ARSG: variants seen among roughly 807,000 people sequenced by gnomAD.
ARSG encodes the protein arylsulfatase G, also known as ASG.
ARSG carries 37 observed loss-of-function variants against 50.5 expected under a neutral mutation model. The ratio of observed to expected loss-of-function variants is 0.73; its 90% CI spans 0.56 to 0.96. The LOEUF is 0.96. ARSG is among the 50% of genes least tolerant of loss of function. ARSG has a pLI of 0.00. For synonymous variants in ARSG, 225 were observed against 254.6 expected, an observed-to-expected ratio of 0.88 and a Z score of 1.11; for missense variants, 629 against 675.3, an observed-to-expected ratio of 0.93 and a Z score of 0.76.
chr17:68,447,205 A>G, the ARSG span, among the ~76,000 whole-genome samples: 3 of 152,224 alleles, frequency 2.0e-5, no homozygotes, highest in Non-Finnish European at 4.4e-5. Flanking sequence ...CCATCTGGAT[A>G]GCAAGGGCCC....
At chr17:68,376,999 A>G (rs186162350) in intron 8 of ARSG, among the ~76,000 whole-genome samples, 3 of 152,154 alleles carry the variant, frequency 2.0e-5, no homozygotes, top group Admixed American at 2.0e-4. Flanking sequence ...AGCTGGGATT[A>G]CAGACGTGCA....
At chr17:68,288,406 T>A (rs2075893236), upstream of ARSG, among the ~76,000 whole-genome samples, 1 of 152,196 alleles carries the variant, frequency 6.6e-6, no homozygotes, top group Non-Finnish European at 1.5e-5. Flanking sequence ...CAGAAGCCTC[T>A]GTAAGTTCCA....
chr17:68,376,130 G>T (rs1159375559), intron 8 of ARSG, among the ~76,000 whole-genome samples: 1 of 151,858 alleles, frequency 6.6e-6, no homozygotes, highest in Non-Finnish European at 1.5e-5. Context: ...ATATTTTAGA[G>T]ATACAGTCTT....
In ARSG at chr17:68,356,941, C is replaced by T; in HGVS notation, c.704+137C>T. The T allele has an allele frequency of 1.6e-5, 17 of 1,054,908 alleles. No homozygotes were observed. The South Asian group carries it at 2.7e-4, about 17-fold the overall frequency. The allele number at this position is 1,054,908 out of a possible 1,614,324, so 65.3% of individuals were successfully genotyped here. Reference sequence around the variant, plus strand: ...TCAGCAGAGATGGATGCATACATGTCTCCTATAAGTAAAGCTGGAAAACAG... The same window carrying T: ...TCAGCAGAGATGGATGCATACATGTTTCCTATAAGTAAAGCTGGAAAACAG... On this transcript the variant is annotated intron_variant, in intron 6 of 11. Coordinates refer to ENST00000621439, the MANE Select transcript of ARSG (RefSeq NM_001267727.2).
the ARSG span, chr17:68,428,707 A>C: frequency 1.3e-6 from 1 of 744,354 alleles, no homozygotes; most frequent in Non-Finnish European, 2.2e-6. Context: ...GAGGTTTGCC[A>C]CTGAGACTGC....
chr17:68,371,326 A>AG (rs1274933170), intron 8 of ARSG, among the ~76,000 whole-genome samples: 1 of 151,686 alleles, frequency 6.6e-6, no homozygotes, highest in Non-Finnish European at 1.5e-5. Context: ...CAAAAAAAAA[A>AG]AAAAAAAAAA....
At chr17:68,269,790 C>T (rs1555747854) in intron 1 of ARSG, among the ~76,000 whole-genome samples, 1 of 148,478 alleles carries the variant, frequency 6.7e-6, no homozygotes, top group African/African-American at 2.5e-5. Flanking sequence ...TCTCCTGCCT[C>T]AGCCTCCCGA....
chr17:68,271,504 C>T lies in ARSG; in HGVS notation c.-552+12078C>T, dbSNP rs377560800. 6.3e-5 allele frequency: 102 copies of T among 1,613,980 alleles called. No homozygotes were observed. Among genetic ancestry groups the T allele is most frequent in the Middle Eastern group, 1.6e-4 (1 of 6,076 alleles). On this transcript the variant is annotated intron_variant, in intron 1 of 11. Coordinates refer to the ARSG transcript ENST00000448504. The surrounding 1 kb of genome is among the most constrained non-coding windows in gnomAD (Gnocchi z 5.3). ...TTCAAGCATATACTGCGCTTCTTTC[C>T]GATTTTCCTGGATGACTATTTTCGG... is the stretch of plus-strand genomic sequence containing the variant.
downstream of ARSG, chr17:68,422,384 G>A (rs528864761): frequency 6.9e-5 from 10 of 144,218 alleles, no homozygotes; most frequent in South Asian, 8.6e-4. Context: ...AGCCGAGATC[G>A]CACCACTGCA....
intron 9 of ARSG, among the ~76,000 whole-genome samples, chr17:68,390,711 C>T (rs1447623597): frequency 1.3e-5 from 2 of 152,100 alleles, no homozygotes; most frequent in African/African-American, 4.8e-5. Flanking sequence ...GCAACCTCCA[C>T]CTCCTGGGTT....
chr17:68,287,013 C>T (rs1391818714), upstream of ARSG, among the ~76,000 whole-genome samples: 4 of 151,944 alleles, frequency 2.6e-5, no homozygotes, highest in South Asian at 2.1e-4. Context: ...GATGGAGTTT[C>T]GCTCTTGTTG....
chr17:68,443,729 C>T, the ARSG span, among the ~76,000 whole-genome samples: 4 of 152,148 alleles, frequency 2.6e-5, no homozygotes, highest in South Asian at 8.3e-4. Flanking sequence ...TTCAATGATA[C>T]TAAACTGAAA....
chr17:68,401,554 G>C, intron 11 of ARSG, 104 bp downstream of exon 11: 2 of 1,030,560 alleles, frequency 1.9e-6, no homozygotes, highest in Non-Finnish European at 2.8e-6. Context: ...TCCCTCCTTT[G>C]TGGGGGGTTC....
At chr17:68,263,114 GTCTAATTTTCCA>G (rs1448211392) in intron 1 of ARSG, among the ~76,000 whole-genome samples, 2 of 152,184 alleles carry the variant, frequency 1.3e-5, no homozygotes, top group Non-Finnish European at 2.9e-5. Context: ...CAGGTTTCCC[GTCTAATTTTCCA>G]TGTAGGAAAT....
upstream of ARSG, among the ~76,000 whole-genome samples, chr17:68,289,545 T>C (rs2075919729): frequency 6.6e-6 from 1 of 152,224 alleles, no homozygotes; most frequent in Non-Finnish European, 1.5e-5. Context: ...TCTCTTCTTC[T>C]TAAAGGCGTA....
intron 6 of ARSG, among the ~76,000 whole-genome samples, chr17:68,366,241 AAAAT>A (rs911125080): frequency 9.8e-5 from 11 of 112,434 alleles, no homozygotes; most frequent in African/African-American, 3.8e-4. Flanking sequence ...GCCTGGCAAA[AAAAT>A]AAAATAAAAT....
chr17:68,418,925 G>A (rs2082566242), intron 11 of ARSG, among the ~76,000 whole-genome samples: 1 of 151,594 alleles, frequency 6.6e-6, no homozygotes, highest in South Asian at 2.1e-4. Context: ...TTGTAATTTT[G>A]AGGGCTATCT....
chr17:68,447,756 G>A, the ARSG span, among the ~76,000 whole-genome samples: 1 of 152,092 alleles, frequency 6.6e-6, no homozygotes, highest in Admixed American at 6.5e-5. Context: ...ACTTTGGGAG[G>A]CCGAGGTGGG....
the ARSG span, among the ~76,000 whole-genome samples, chr17:68,438,349 C>T: frequency 6.6e-6 from 1 of 152,216 alleles, no homozygotes; most frequent in Non-Finnish European, 1.5e-5. Context: ...AATTCCTCAC[C>T]CCTTCTGAAT....
Sources: allele counts gnomAD v4.1 joint callset (sites outside exome capture counted in the v4.1 genomes callset), GRCh38; gene constraint gnomAD v4.1.1; non-coding constraint Gnocchi (gnomAD v3.1); transcripts MANE v1.5; gene names NCBI Gene and HGNC (gene_info 2026-07-23, HGNC 2026-07-21).